Variants in SGCZ observed in about 807,000 individuals in gnomAD.
The protein encoded by SGCZ is sarcoglycan zeta, also known as zeta-sarcoglycan.
Under a neutral mutation model 41.3 loss-of-function variants are expected in SGCZ, and 40 were observed. The ratio of observed to expected loss-of-function variants is 0.97; its 90% CI spans 0.75 to 1.26. The LOEUF (loss-of-function observed/expected upper bound fraction) is 1.26, where lower values mean the gene tolerates loss of function less well. Among genes scored for constraint, SGCZ ranks in the 50% most tolerant of loss-of-function variants. The pLI is 0.00. For missense variants in SGCZ, 552 were observed against 369.8 expected (o/e 1.49, Z -4.04); for synonymous variants, 206 against 137.5 (o/e 1.50, Z -3.49).
chr8:14,811,954 C>G (rs940000941), intron 1 of SGCZ, among the ~76,000 whole-genome samples: 2 of 151,894 alleles, frequency 1.3e-5, no homozygotes, highest in Admixed American at 1.3e-4. Flanking sequence ...TTATCCTGAG[C>G]TGGAGTTCTC....
intron 1 of SGCZ, among the ~76,000 whole-genome samples, chr8:15,100,503 A>T (rs1036073472): frequency 2.6e-5 from 4 of 152,232 alleles, no homozygotes; most frequent in Admixed American, 2.0e-4. Flanking sequence ...AGGAAGACTC[A>T]ATATTAAGAA....
intron 1 of SGCZ, among the ~76,000 whole-genome samples, chr8:14,929,810 T>C (rs890719226): frequency 2.6e-5 from 4 of 152,074 alleles, no homozygotes; most frequent in Non-Finnish European, 5.9e-5. Context: ...ATATGAAATG[T>C]GGTGGAAGTA....
At chr8:15,204,707 G>A (rs930631108) in intron 1 of SGCZ, among the ~76,000 whole-genome samples, 6 of 151,980 alleles carry the variant, frequency 3.9e-5, no homozygotes, top group East Asian at 1.9e-4. Flanking sequence ...TTATCTTTGC[G>A]ACCTTTCATA....
At chr8:14,806,527 C>T (rs543480123) in intron 1 of SGCZ, among the ~76,000 whole-genome samples, 1 of 152,246 alleles carries the variant, frequency 6.6e-6, no homozygotes, top group East Asian at 1.9e-4. Context: ...CAAGACTAAA[C>T]CAGGAGGAAG....
chr8:15,049,632 G>C (rs916623516), intron 1 of SGCZ, among the ~76,000 whole-genome samples: 6 of 152,156 alleles, frequency 3.9e-5, no homozygotes, highest in Non-Finnish European at 7.4e-5. Context: ...AAGTTATGCA[G>C]TGCACACATG....
intron 1 of SGCZ, among the ~76,000 whole-genome samples, chr8:14,971,095 C>G (rs1236273604): frequency 6.6e-6 from 1 of 152,080 alleles, no homozygotes; most frequent in Non-Finnish European, 1.5e-5. Context: ...TATGAAAATA[C>G]AATTGATTCT....
chr8:15,030,781 G>C (rs913578443), intron 1 of SGCZ, among the ~76,000 whole-genome samples: 4 of 152,098 alleles, frequency 2.6e-5, no homozygotes, highest in Non-Finnish European at 5.9e-5. Context: ...CACAAAACCA[G>C]ACGAAGGGAT....
chr8:14,184,694 A>C (rs1334836449), intron 4 of SGCZ, among the ~76,000 whole-genome samples: 8 of 152,172 alleles, frequency 5.3e-5, no homozygotes, highest in Admixed American at 4.6e-4. Context: ...TTTTGGACTA[A>C]AAACAGATAT....
In SGCZ at chr8:14,427,106, G is replaced by T. The variant is rs1585495982; in HGVS notation, c.235-102902C>A. ...TGAATGAGTGAATGAATGAATGAGT[G>T]AATGAATGAATGAAATACACCTTAA... is the stretch of plus-strand genomic sequence containing the variant. On this transcript the variant is annotated intron_variant, in intron 2 of 7. Coordinates refer to ENST00000382080, the MANE Select transcript of SGCZ (RefSeq NM_139167.4). Among the ~76,000 whole-genome samples the T allele has an allele frequency of 2.9e-5, 4 of 138,680 alleles. No homozygotes were observed. The South Asian group carries it at 8.5e-4, about 29-fold the overall frequency. The allele number at this position is 138,680 out of a possible 152,430, so 91.0% of individuals were successfully genotyped here.
intron 5 of SGCZ, among the ~76,000 whole-genome samples, chr8:14,136,343 G>A (rs1437301384): frequency 6.6e-6 from 1 of 152,158 alleles, no homozygotes; most frequent in Non-Finnish European, 1.5e-5. Context: ...GAAGCAGGGT[G>A]GGGCATCACC....
intron 3 of SGCZ, among the ~76,000 whole-genome samples, chr8:14,272,362 G>A (rs370313195): frequency 1.1e-4 from 17 of 152,088 alleles, no homozygotes; most frequent in African/African-American, 2.2e-4. Context: ...ACTATATGAC[G>A]GACTTTTCCT....
intron 1 of SGCZ, among the ~76,000 whole-genome samples, chr8:14,723,665 T>C (rs1350086605): frequency 6.7e-6 from 1 of 150,332 alleles, no homozygotes; most frequent in Non-Finnish European, 1.5e-5. Context: ...AATTTATATA[T>C]TTATCTATAT....
intron 1 of SGCZ, among the ~76,000 whole-genome samples, chr8:15,160,868 C>T (rs1046586754): frequency 1.5e-4 from 23 of 152,162 alleles, no homozygotes; most frequent in African/African-American, 5.3e-4. Flanking sequence ...CATGCAGAGG[C>T]ATCCTTGAGA....
chr8:14,344,895 A>G (rs1017915914), intron 2 of SGCZ, among the ~76,000 whole-genome samples: 3 of 152,092 alleles, frequency 2.0e-5, no homozygotes, highest in Non-Finnish European at 4.4e-5. Context: ...GAATTTCTAC[A>G]TTGCAGAGGG....
At chr8:14,500,726 G>A (rs1308648740) in intron 2 of SGCZ, among the ~76,000 whole-genome samples, 3 of 152,032 alleles carry the variant, frequency 2.0e-5, no homozygotes, top group African/African-American at 7.2e-5. Context: ...ATTACTATCA[G>A]CCACTAAGAC....
intron 1 of SGCZ, among the ~76,000 whole-genome samples, chr8:15,042,666 TA>T (rs1246842590): frequency 6.6e-6 from 1 of 152,184 alleles, no homozygotes; most frequent in Non-Finnish European, 1.5e-5. Context: ...TGCCATCTAA[TA>T]AACTAGATAT....
chr8:15,077,139 A>G (rs1029794481), intron 1 of SGCZ, among the ~76,000 whole-genome samples: 2 of 152,226 alleles, frequency 1.3e-5, no homozygotes, highest in African/African-American at 2.4e-5. Context: ...TGAATAACAG[A>G]AAAAGTCAGA....
At chr8:14,898,104 TAA>T (rs78313051) in intron 1 of SGCZ, among the ~76,000 whole-genome samples, 1 of 145,406 alleles carries the variant, frequency 6.9e-6, no homozygotes, top group African/African-American at 2.5e-5. Context: ...ATTATAAACT[TAA>T]AAAAAAAAAA....
At chr8:14,600,688 G>A (rs970240148) in intron 1 of SGCZ, among the ~76,000 whole-genome samples, 1 of 152,104 alleles carries the variant, frequency 6.6e-6, no homozygotes, top group African/African-American at 2.4e-5. Flanking sequence ...GATTCAGCCT[G>A]TGATGGCTGT....
Sources: allele counts gnomAD v4.1 joint callset (sites outside exome capture counted in the v4.1 genomes callset), GRCh38; gene constraint gnomAD v4.1.1; transcripts MANE v1.5; gene names NCBI Gene and HGNC (gene_info 2026-07-23, HGNC 2026-07-21).